SLC38A8: variants seen among roughly 807,000 people sequenced by gnomAD.
SLC38A8 encodes the protein amino acid transporter SLC38A8.
Under a neutral mutation model 46.0 loss-of-function variants are expected in SLC38A8, and 65 were observed. That is an observed-to-expected ratio of 1.41 (90% CI 1.16 to 1.74). The LOEUF (loss-of-function observed/expected upper bound fraction) is 1.74, where lower values mean the gene tolerates loss of function less well. Among genes scored for constraint, SLC38A8 ranks in the 40% most tolerant of loss-of-function variants. The pLI is 0.00. For missense variants in SLC38A8, 998 were observed against 567.9 expected (o/e 1.76, Z -7.70); for synonymous variants, 447 against 243.7 (o/e 1.83, Z -7.77).
At chr16:84,033,813 C>A (rs1024345252) in intron 3 of SLC38A8, among the ~76,000 whole-genome samples, 1 of 152,154 alleles carries the variant, frequency 6.6e-6, no homozygotes, top group Admixed American at 6.5e-5. Context: ...TCAATAGTAT[C>A]TGGAGTCAAA....
rs372136243 is a variant in SLC38A8, at chr16:84,033,419, C to A, written c.439G>T (p.Ala147Ser). The A allele has an allele frequency of 1.1e-5, 17 of 1,612,806 alleles. No homozygotes were observed. The highest frequency in any genetic ancestry group is 1.4e-5 in the Non-Finnish European group (17 of 1,179,476). The change falls in exon 4 of 11, where the codon GCA (alanine) becomes TCA (serine). Residue 147 changes from alanine to serine, a missense_variant. Coordinates refer to ENST00000299709, the MANE Select transcript of SLC38A8 (RefSeq NM_001080442.3). ...GTPPAPQPWY[A>S]DQRFTLPLLS... Reference sequence around the variant, plus strand: ...AGGGGCAGGGTGAAGCGCTGGTCTGCGTACCACGGCTGCGGGGCGGGCGGG... The same window carrying A: ...AGGGGCAGGGTGAAGCGCTGGTCTGAGTACCACGGCTGCGGGGCGGGCGGG...
chr16:84,012,081 G>A (rs2084961144), intron 10 of SLC38A8, among the ~76,000 whole-genome samples: 1 of 152,084 alleles, frequency 6.6e-6, no homozygotes, highest in South Asian at 2.1e-4. Flanking sequence ...CCAGAACTGG[G>A]GAAAAAATTC....
chr16:84,022,933 G>C (rs367772754), intron 6 of SLC38A8, 44 bp from the exon 7 acceptor site: 3 of 1,446,748 alleles, frequency 2.1e-6, no homozygotes, highest in African/African-American at 2.9e-5. Flanking sequence ...GCTTCCCCTG[G>C]AACAGGCGAT....
intron 6 of SLC38A8, among the ~76,000 whole-genome samples, chr16:84,025,126 G>A (rs1328041258): frequency 6.6e-6 from 1 of 150,898 alleles, no homozygotes; most frequent in Non-Finnish European, 1.5e-5. Flanking sequence ...TGGGCAGGGA[G>A]GCTCTGCTCT....
intron 7 of SLC38A8, among the ~76,000 whole-genome samples, chr16:84,017,616 C>G (rs146144663): frequency 2.1e-4 from 32 of 152,342 alleles, no homozygotes; most frequent in African/African-American, 7.7e-4. Flanking sequence ...CATGCCCTGT[C>G]CATCTCACTC....
intron 4 of SLC38A8, 147 bp downstream of exon 4, chr16:84,033,181 T>C: frequency 1.9e-6 from 2 of 1,063,202 alleles, no homozygotes; most frequent in African/African-American, 1.6e-5. Context: ...CATGCATACA[T>C]TTTACTTGTA....
intron 4 of SLC38A8, 78 bp downstream of exon 4, chr16:84,033,250 G>A: frequency 6.3e-7 from 1 of 1,591,924 alleles, no homozygotes; most frequent in Non-Finnish European, 8.6e-7. Context: ...CAGCTCCTCT[G>A]ACCCCAGATG....
intron 2 of SLC38A8, among the ~76,000 whole-genome samples, chr16:84,037,669 C>T (rs890840905): frequency 1.3e-5 from 2 of 151,256 alleles, no homozygotes; most frequent in African/African-American, 4.9e-5. Context: ...GCTGAGGCAG[C>T]AAAATCTCTT....
chr16:84,026,631 G>A (rs1009316807), intron 6 of SLC38A8, among the ~76,000 whole-genome samples: 1 of 152,214 alleles, frequency 6.6e-6, no homozygotes, highest in African/African-American at 2.4e-5. Flanking sequence ...GAGACAGGAA[G>A]ACGACACAGT....
chr16:84,024,345 A>G (rs2085135202), intron 6 of SLC38A8, among the ~76,000 whole-genome samples: 1 of 151,986 alleles, frequency 6.6e-6, no homozygotes, highest in Non-Finnish European at 1.5e-5. Context: ...ATATTGGGGT[A>G]AGCATTTTTT....
intron 7 of SLC38A8, 111 bp downstream of exon 7, chr16:84,022,664 A>T: frequency 1.3e-6 from 1 of 777,992 alleles, no homozygotes; most frequent in Non-Finnish European, 2.1e-6. Context: ...TGCTCAAAAC[A>T]TTGAGTATTG....
At chr16:84,013,878 G>A (rs1474583143) in intron 9 of SLC38A8, among the ~76,000 whole-genome samples, 2 of 152,180 alleles carry the variant, frequency 1.3e-5, no homozygotes, top group African/African-American at 2.4e-5. Context: ...TGGCCACCTG[G>A]TCACAGCATC....
chr16:84,017,688 C>A (rs1382789245), intron 7 of SLC38A8, among the ~76,000 whole-genome samples: 2 of 152,218 alleles, frequency 1.3e-5, no homozygotes, highest in Admixed American at 1.3e-4. Flanking sequence ...AAACCAAGAG[C>A]CAGGGCATCA....
intron 6 of SLC38A8, among the ~76,000 whole-genome samples, chr16:84,024,349 AT>A (rs149722401): frequency 1.6e-4 from 24 of 151,550 alleles, no homozygotes; most frequent in East Asian, 5.8e-4. Context: ...TGGGGTAAGC[AT>A]TTTTTTTTGG....
intron 6 of SLC38A8, among the ~76,000 whole-genome samples, chr16:84,026,856 A>G (rs1257525597): frequency 6.6e-6 from 1 of 152,158 alleles, no homozygotes; most frequent in African/African-American, 2.4e-5. Context: ...GACAGACAAG[A>G]AGTGCAAGAG....
At chr16:84,041,384 C>T (rs1290630440) in intron 2 of SLC38A8, 2 of 153,058 alleles carry the variant, frequency 1.3e-5, no homozygotes, top group African/African-American at 4.8e-5. Flanking sequence ...ACAGTCTCAG[C>T]TCACTGCAAC....
Position 84,016,592 on chromosome 16 carries a change from C to T in SLC38A8, c.1089G>A (p.Leu363=), listed in dbSNP as rs1567691307. 6.2e-7 allele frequency: 1 copy of T among 1,614,076 alleles called. No individual in the cohort carries two copies. Among genetic ancestry groups the T allele is most frequent in the Non-Finnish European group, 8.5e-7 (1 of 1,180,024 alleles). Residue 363 remains leucine (L), a synonymous_variant, in exon 9 of 11, where the codon CTG becomes CTA. Coordinates refer to ENST00000299709, the MANE Select transcript of SLC38A8 (RefSeq NM_001080442.3). ...LWVTVTLAMA[L]FMPDLSEIVS... ...CGATCTCGCTGAGGTCAGGCATAAA[C>T]AGCGCCATGGCGAGCGTCACGGTGA...
chr16:84,025,712 A>C (rs982858530), intron 6 of SLC38A8, among the ~76,000 whole-genome samples: 2 of 152,212 alleles, frequency 1.3e-5, no homozygotes, highest in Admixed American at 6.5e-5. Context: ...CAAGCCAAGG[A>C]AACAAGCCCA....
Position 84,009,850 on chromosome 16 carries a change from G to C in SLC38A8, c.1242C>G (p.Val414=), listed in dbSNP as rs373989279. The change falls in exon 11 of 11, where the codon GTC becomes GTG. Residue 414 remains valine, a synonymous_variant. Coordinates refer to ENST00000299709, the MANE Select transcript of SLC38A8 (RefSeq NM_001080442.3). ...VKCCLEVWGV[V]SVLVGTFIFG... ...AGATGAAGGTGCCGACCAGCACAGA[G>C]ACCACTCCCCAGACCTCCAGGCAGC... 5.8e-5 allele frequency: 94 copies of C among 1,613,980 alleles called. No homozygotes were observed. Among genetic ancestry groups the C allele is most frequent in the South Asian group, 2.2e-5 (2 of 91,086 alleles).
Sources: gnomAD v4.1 joint callset for allele counts (sites outside exome capture counted in the v4.1 genomes callset) on GRCh38, gnomAD v4.1.1 for gene constraint, MANE v1.5 for transcripts, NCBI Gene and HGNC (gene_info 2026-07-23, HGNC 2026-07-21) for gene names.